The following NFIB variants were observed in gnomAD, a reference collection of about 807,000 sequenced individuals.
NFIB encodes the protein nuclear factor 1 B-type.
NFIB carries 11 observed loss-of-function variants against 61.5 expected under a neutral mutation model. The observed-to-expected ratio is 0.18, with a 90% CI of 0.11 to 0.30. The LOEUF is 0.30. Among genes scored for constraint, NFIB ranks in the 10% least tolerant of loss-of-function variants. The probability of loss-of-function intolerance (pLI) is 1.00; values close to 1 mark genes in which losing one functional copy is unlikely to be tolerated. For missense variants in NFIB, 471 were observed against 608.9 expected (o/e 0.77, Z 2.38); for synonymous variants, 260 against 216.5 (o/e 1.20, Z -1.76).
chr9:14,354,446 G>A (rs2061151998), intron 1 of NFIB, among the ~76,000 whole-genome samples: 1 of 152,146 alleles, frequency 6.6e-6, no homozygotes, highest in African/African-American at 2.4e-5. Context: ...AATAGTTCCA[G>A]GCACAAGACC....
chr9:14,417,494 C>T, the NFIB span, among the ~76,000 whole-genome samples: 3 of 152,300 alleles, frequency 2.0e-5, no homozygotes, highest in Non-Finnish European at 2.9e-5. Context: ...AAAAAATAAA[C>T]TGGACACCTA....
chr9:14,267,768 G>T (rs1588033453), intron 2 of NFIB, among the ~76,000 whole-genome samples: 1 of 152,334 alleles, frequency 6.6e-6, no homozygotes, highest in African/African-American at 2.4e-5. Flanking sequence ...AGGAACATCG[G>T]TGGTATGACA....
intron 1 of NFIB, among the ~76,000 whole-genome samples, chr9:14,380,541 C>T (rs2061475480): frequency 6.6e-6 from 1 of 152,160 alleles, no homozygotes; most frequent in Non-Finnish European, 1.5e-5. Context: ...GAGTCAAGAA[C>T]ACTGAGTATA....
intron 1 of NFIB, among the ~76,000 whole-genome samples, chr9:14,369,351 C>T (rs993461395): frequency 2.6e-5 from 4 of 152,164 alleles, no homozygotes; most frequent in Admixed American, 1.3e-4. Context: ...TAATTATCAT[C>T]GGGTTAGGCT....
intron 6 of NFIB, among the ~76,000 whole-genome samples, chr9:14,144,384 T>C (rs1469015639): frequency 6.6e-6 from 1 of 152,162 alleles, no homozygotes. Context: ...AAGGAAAGTA[T>C]GGCTTTGTTT....
intron 1 of NFIB, among the ~76,000 whole-genome samples, chr9:14,387,900 A>G (rs980191817): frequency 2.0e-5 from 3 of 152,160 alleles, no homozygotes; most frequent in African/African-American, 7.2e-5. Flanking sequence ...GAGGCTGCTC[A>G]TAGCAGGAGG....
chr9:14,386,395 C>T (rs2061549122), intron 1 of NFIB, among the ~76,000 whole-genome samples: 1 of 152,168 alleles, frequency 6.6e-6, no homozygotes, highest in African/African-American at 2.4e-5. Flanking sequence ...AGCAAAAGTC[C>T]AACTTCGAAG....
the NFIB span, among the ~76,000 whole-genome samples, chr9:14,503,737 G>A: frequency 6.6e-6 from 1 of 152,158 alleles, no homozygotes; most frequent in Admixed American, 6.6e-5. Flanking sequence ...TTTGTTGGAT[G>A]TATAGATTGT....
At chr9:14,384,685 C>A (rs1210269165) in intron 1 of NFIB, among the ~76,000 whole-genome samples, 1 of 152,122 alleles carries the variant, frequency 6.6e-6, no homozygotes, top group Admixed American at 6.5e-5. Flanking sequence ...ATCTCAGTCA[C>A]CTCATTGATT....
At position 14,339,329 on chromosome 9, in the gene NFIB, G is replaced by A. The variant is rs150301463; in HGVS notation, c.109-31809C>T. Among the ~76,000 whole-genome samples the A allele has an allele frequency of 4.5e-3, 685 of 152,262 alleles. 3 individuals carry two copies. Among genetic ancestry groups the A allele is most frequent in the African/African-American group, 0.015 (625 of 41,524 alleles). On this transcript the variant is annotated intron_variant, in intron 1 of 8. Transcript: ENST00000380934. ...AGGACAACATCCCAGTATGTGCAAC[G>A]GAAGTTGTAAGACTATTAGCTGCCT...
At chr9:14,145,089 G>A (rs1048355594) in intron 6 of NFIB, among the ~76,000 whole-genome samples, 1 of 151,840 alleles carries the variant, frequency 6.6e-6, no homozygotes, top group East Asian at 1.9e-4. Context: ...ATTTGGTGGG[G>A]TCTCTCATGA....
At chr9:14,419,928 A>G in the NFIB span, among the ~76,000 whole-genome samples, 8 of 152,326 alleles carry the variant, frequency 5.3e-5, no homozygotes, top group African/African-American at 1.9e-4. Flanking sequence ...GAACTACAAC[A>G]TTCTTGTTTT....
At chr9:14,401,843 T>C (rs993829340), upstream of NFIB, among the ~76,000 whole-genome samples, 13 of 152,172 alleles carry the variant, frequency 8.5e-5, no homozygotes, top group African/African-American at 3.1e-4. Context: ...CAATCCCTAA[T>C]GTGCTTCATT....
chr9:14,470,197 C>G, the NFIB span, among the ~76,000 whole-genome samples: 3 of 152,154 alleles, frequency 2.0e-5, no homozygotes, highest in Non-Finnish European at 4.4e-5. Flanking sequence ...ATGCCTGGCA[C>G]AGGTTGGAAA....
At chr9:14,381,818 C>T (rs1453348668) in intron 1 of NFIB, among the ~76,000 whole-genome samples, 1 of 152,264 alleles carries the variant, frequency 6.6e-6, no homozygotes, top group East Asian at 1.9e-4. Context: ...GGTACCAGAA[C>T]CGTGCCTTGC....
chr9:14,524,934 T>C, the NFIB span, among the ~76,000 whole-genome samples: 1 of 152,236 alleles, frequency 6.6e-6, no homozygotes, highest in African/African-American at 2.4e-5. Flanking sequence ...TATTATCTCA[T>C]TGGAGCCTCA....
chr9:14,159,977 G>T (rs975873229), intron 3 of NFIB, among the ~76,000 whole-genome samples: 2 of 152,020 alleles, frequency 1.3e-5, no homozygotes, highest in African/African-American at 4.8e-5. Flanking sequence ...AATTCCCTTC[G>T]TCTACCAAAG....
chr9:14,145,239 G>A (rs1471108532), intron 6 of NFIB, among the ~76,000 whole-genome samples: 1 of 151,994 alleles, frequency 6.6e-6, no homozygotes, highest in African/African-American at 2.4e-5. Flanking sequence ...CAGCCACATG[G>A]CACACACAGC....
intron 1 of NFIB, among the ~76,000 whole-genome samples, chr9:14,347,609 G>GGAGA (rs2061044610): frequency 1.0e-5 from 1 of 97,190 alleles, no homozygotes; most frequent in South Asian, 3.5e-4. Context: ...AGAAGGGAAG[G>GGAGA]AGTGGCCAGC....
Sources: gnomAD v4.1 joint callset for allele counts (sites outside exome capture counted in the v4.1 genomes callset) on GRCh38, gnomAD v4.1.1 for gene constraint, MANE v1.5 for transcripts, NCBI Gene and HGNC (gene_info 2026-07-23, HGNC 2026-07-21) for gene names.